Variants in DPYD observed in about 807,000 individuals in gnomAD.
DPYD encodes dihydropyrimidine dehydrogenase [NADP(+)].
In DPYD, 109 loss-of-function variants were observed where a neutral mutation model predicts 116.2. The observed-to-expected ratio is 0.94, with a 90% CI of 0.80 to 1.10. DPYD has a LOEUF of 1.10. Among genes scored for constraint, DPYD ranks in the 50% least tolerant of loss-of-function variants. The probability of loss-of-function intolerance (pLI) is 0.00; values close to 1 mark genes in which losing one functional copy is unlikely to be tolerated. For missense variants in DPYD, 1,302 were observed against 1,254.5 expected (o/e 1.04, Z -0.57); for synonymous variants, 440 against 432.0 (o/e 1.02, Z -0.23).
chr1:97,366,482 A>G (rs78638054), intron 16 of DPYD, among the ~76,000 whole-genome samples: 8,130 of 152,176 alleles, frequency 0.053, 308 homozygotes, highest in East Asian at 0.17. Context: ...TTCATAGTGC[A>G]ATGATTTTCA....
At chr1:97,818,124 C>T (rs1668729093) in intron 3 of DPYD, among the ~76,000 whole-genome samples, 1 of 151,940 alleles carries the variant, frequency 6.6e-6, no homozygotes, top group Non-Finnish European at 1.5e-5. Flanking sequence ...GTTGCCAATG[C>T]TGTTGTTTCA....
chr1:97,524,430 C>G (rs550233867), intron 12 of DPYD, among the ~76,000 whole-genome samples: 1 of 152,044 alleles, frequency 6.6e-6, no homozygotes, highest in Non-Finnish European at 1.5e-5. Context: ...TGATTATTAT[C>G]GCCATAAACT....
At chr1:97,094,294 G>A (rs1389377051) in intron 21 of DPYD, among the ~76,000 whole-genome samples, 1 of 152,056 alleles carries the variant, frequency 6.6e-6, no homozygotes, top group African/African-American at 2.4e-5. Flanking sequence ...AAAACAAACA[G>A]TCCTACATTT....
intron 18 of DPYD, among the ~76,000 whole-genome samples, chr1:97,262,168 G>A (rs964468835): frequency 7.2e-5 from 11 of 151,898 alleles, no homozygotes; most frequent in Non-Finnish European, 1.6e-4. Context: ...TGTGAGCTCC[G>A]TAAGGGCAGG....
At chr1:97,481,530 T>C (rs1160759710) in intron 13 of DPYD, among the ~76,000 whole-genome samples, 1 of 152,028 alleles carries the variant, frequency 6.6e-6, no homozygotes, top group African/African-American at 2.4e-5. Context: ...CAAGTGTTCA[T>C]CAAAAAAGTA....
chr1:97,751,886 C>G (rs1411654551), intron 3 of DPYD, among the ~76,000 whole-genome samples: 1 of 151,792 alleles, frequency 6.6e-6, no homozygotes, highest in African/African-American at 2.4e-5. Context: ...CCTCAGCCTC[C>G]CGAGTAGCTG....
chr1:97,502,803 T>C (rs1679664771), intron 13 of DPYD, among the ~76,000 whole-genome samples: 1 of 152,002 alleles, frequency 6.6e-6, no homozygotes. Context: ...ATAACTTTTA[T>C]TGACAGGGTA....
intron 8 of DPYD, among the ~76,000 whole-genome samples, chr1:97,646,469 T>C (rs2100831631): frequency 6.6e-6 from 1 of 152,256 alleles, no homozygotes; most frequent in East Asian, 1.9e-4. Context: ...GTCAACTCAC[T>C]TTCTATTTCC....
chr1:97,154,959 T>C (rs1655330428), intron 20 of DPYD, among the ~76,000 whole-genome samples: 1 of 152,150 alleles, frequency 6.6e-6, no homozygotes, highest in African/African-American at 2.4e-5. Flanking sequence ...GTAGCATACA[T>C]GATAGGTGTA....
intron 16 of DPYD, among the ~76,000 whole-genome samples, chr1:97,368,789 G>C (rs758236536): frequency 1.3e-5 from 2 of 152,222 alleles, no homozygotes; most frequent in African/African-American, 2.4e-5. Context: ...CATATTCTTA[G>C]TCAAATGTTT....
chr1:97,549,495 T>C, intron 12 of DPYD, 65 bp downstream of exon 12: 1 of 1,539,750 alleles, frequency 6.5e-7, no homozygotes, highest in Non-Finnish European at 9.0e-7. Context: ...TAGATGAGTA[T>C]CAAAAATAAA....
chr1:97,742,092 A>T (rs1664300365), intron 3 of DPYD, among the ~76,000 whole-genome samples: 1 of 152,098 alleles, frequency 6.6e-6, no homozygotes, highest in African/African-American at 2.4e-5. Context: ...ATGAATGTGG[A>T]GACAGACAAC....
intron 8 of DPYD, among the ~76,000 whole-genome samples, chr1:97,674,310 T>G (rs1660027070): frequency 6.6e-6 from 1 of 152,222 alleles, no homozygotes; most frequent in African/African-American, 2.4e-5. Context: ...TAGTGTCTAC[T>G]GTGACTATTA....
intron 1 of DPYD, among the ~76,000 whole-genome samples, 179 bp from the exon 2 acceptor site, chr1:97,883,553 C>T (rs1340395365): frequency 6.6e-6 from 1 of 151,960 alleles, no homozygotes; most frequent in East Asian, 1.9e-4. Context: ...CTCAGGCGAT[C>T]CTCCCACCTT....
intron 20 of DPYD, among the ~76,000 whole-genome samples, chr1:97,173,556 A>AT (rs746939312): frequency 3.1e-3 from 455 of 148,236 alleles, no homozygotes; most frequent in African/African-American, 4.4e-3. Flanking sequence ...GTTTATTACT[A>AT]TTTTTTTTTT....
chr1:97,118,713 C>T (rs776562365), intron 20 of DPYD, among the ~76,000 whole-genome samples: 3 of 152,134 alleles, frequency 2.0e-5, no homozygotes, highest in Non-Finnish European at 4.4e-5. Flanking sequence ...AGGAATCAGT[C>T]ACCAAATTTC....
At chr1:97,543,885 C>A (rs1650631237) in intron 12 of DPYD, among the ~76,000 whole-genome samples, 1 of 152,100 alleles carries the variant, frequency 6.6e-6, no homozygotes. Flanking sequence ...AAAGGAAGTT[C>A]ATGTCACAAA....
chr1:97,478,054 G>A (rs937650883), intron 13 of DPYD, among the ~76,000 whole-genome samples: 2 of 152,130 alleles, frequency 1.3e-5, no homozygotes, highest in African/African-American at 2.4e-5. Context: ...ATTACTCCAT[G>A]ATCCATTGGG....
intron 20 of DPYD, among the ~76,000 whole-genome samples, chr1:97,167,811 G>A (rs1253622420): frequency 6.6e-6 from 1 of 152,042 alleles, no homozygotes; most frequent in Non-Finnish European, 1.5e-5. Context: ...TTGTCTGATA[G>A]CATAAAGGTA....
Sources: gnomAD v4.1 joint callset for allele counts (sites outside exome capture counted in the v4.1 genomes callset) on GRCh38, gnomAD v4.1.1 for gene constraint, MANE v1.5 for transcripts, NCBI Gene and HGNC (gene_info 2026-07-23, HGNC 2026-07-21) for gene names.